SLC25A24: variants seen among roughly 807,000 people sequenced by gnomAD.
SLC25A24 encodes the protein mitochondrial adenyl nucleotide antiporter SLC25A24.
SLC25A24 carries 49 observed loss-of-function variants against 60.7 expected under a neutral mutation model. The observed-to-expected ratio is 0.81, with a 90% confidence interval of 0.64 to 1.02. SLC25A24 has a LOEUF of 1.02. Among genes scored for constraint, SLC25A24 ranks in the 50% least tolerant of loss-of-function variants. SLC25A24 has a pLI of 0.00. For synonymous variants in SLC25A24, 202 were observed against 200.6 expected, an observed-to-expected ratio of 1.01 and a Z score of -0.06; for missense variants, 564 against 586.3, an observed-to-expected ratio of 0.96 and a Z score of 0.39.
intron 9 of SLC25A24, among the ~76,000 whole-genome samples, chr1:108,137,328 G>C (rs1334666367): frequency 6.6e-6 from 1 of 152,128 alleles, no homozygotes; most frequent in East Asian, 1.9e-4. Context: ...AGGGGAGTAT[G>C]GAAGAAGCTC....
intron 1 of SLC25A24, among the ~76,000 whole-genome samples, chr1:108,187,927 GATAT>G (rs57513025): frequency 1.0e-5 from 1 of 95,740 alleles, no homozygotes; most frequent in Non-Finnish European, 2.1e-5. Context: ...AGACATTATA[GATAT>G]ATATATATAT....
chr1:108,170,469 A>G, intron 3 of SLC25A24, among the ~76,000 whole-genome samples: 1 of 152,108 alleles, frequency 6.6e-6, no homozygotes, highest in South Asian at 2.1e-4. Flanking sequence ...TTACATGCCC[A>G]TTAAATCAAG....
At chr1:108,158,260 A>G (rs2101614692) in intron 4 of SLC25A24, among the ~76,000 whole-genome samples, 1 of 152,184 alleles carries the variant, frequency 6.6e-6, no homozygotes, top group East Asian at 1.9e-4. Context: ...CCTTCAACCT[A>G]TTCTACATTA....
rs185362872 is a variant in SLC25A24 at position 108,171,951 on chromosome 1, T to C, written c.398+9990A>G. Among the ~76,000 whole-genome samples, 973 of 152,296 alleles carry C rather than the reference T, an allele frequency of 6.4e-3. 6 individuals carry two copies. Among genetic ancestry groups the C allele is most frequent in the Non-Finnish European group, 9.5e-3 (649 of 68,022 alleles). ...AACTGTACTCCTAACCACTGAGCTA[T>C]ACAAACAAGTCAAGGATTACAAACC... On this transcript the variant is annotated intron_variant, in intron 3 of 9. Transcript: ENST00000565488.
intron 3 of SLC25A24, among the ~76,000 whole-genome samples, chr1:108,180,616 A>ATCTCTCTCTCTCTCTCTC (rs3043349): frequency 1.8e-4 from 11 of 61,744 alleles, no homozygotes; most frequent in African/African-American, 7.6e-4. Context: ...CAAGAGAAAG[A>ATCTCTCTCTCTCTCTCTC]TCTCTCTCTC....
intron 3 of SLC25A24, among the ~76,000 whole-genome samples, chr1:108,169,201 T>C (rs1647356497): frequency 6.6e-6 from 1 of 152,228 alleles, no homozygotes; most frequent in Admixed American, 6.5e-5. Flanking sequence ...AGCACTGACT[T>C]GGTTATGGCT....
chr1:108,160,979 G>C (rs1378601429), intron 4 of SLC25A24, among the ~76,000 whole-genome samples: 1 of 151,892 alleles, frequency 6.6e-6, no homozygotes, highest in Non-Finnish European at 1.5e-5. Context: ...GGGGGAGAGA[G>C]AGGGAGAGGG....
chr1:108,162,750 T>C (rs1680124884), intron 3 of SLC25A24, among the ~76,000 whole-genome samples: 2 of 152,120 alleles, frequency 1.3e-5, no homozygotes, highest in East Asian at 1.9e-4. Context: ...AGGTTGCCTG[T>C]TCACTCTGAT....
rs1308443518 is a variant in SLC25A24 at position 108,178,428 on chromosome 1, G to A, written c.398+3513C>T. On this transcript the variant is annotated intron_variant, in intron 3 of 9. Coordinates refer to ENST00000565488, the MANE Select transcript of SLC25A24 (RefSeq NM_013386.5). ...TCAACTGCACATGGAACATGCACCA[G>A]GGGATATCATATGTTAGGCCACAAA... 2.0e-5 allele frequency among the ~76,000 whole-genome samples: 3 copies of A among 152,298 alleles called. No homozygotes were observed. The South Asian group carries it at 6.2e-4, about 32-fold the overall frequency.
At chr1:108,161,890 G>A (rs928183438) in intron 3 of SLC25A24, among the ~76,000 whole-genome samples, 2 of 151,276 alleles carry the variant, frequency 1.3e-5, no homozygotes, top group African/African-American at 4.9e-5. Context: ...CTGGTGCGCT[G>A]CACCCACTAA....
chr1:108,185,802 G>A (rs745586047), intron 2 of SLC25A24, 26 bp downstream of exon 2: 11 of 1,552,428 alleles, frequency 7.1e-6, no homozygotes, highest in Middle Eastern at 1.7e-4. Flanking sequence ...TTCATAGCTG[G>A]TGATAAATAC....
chr1:108,141,059 T>A (rs1381338087), intron 8 of SLC25A24, among the ~76,000 whole-genome samples: 1 of 152,098 alleles, frequency 6.6e-6, no homozygotes, highest in African/African-American at 2.4e-5. Flanking sequence ...ACTTTAGATC[T>A]AAGGACACAC....
At chr1:108,192,368 A>G in intron 1 of SLC25A24, 1 of 620,324 alleles carries the variant, frequency 1.6e-6, no homozygotes, top group South Asian at 2.3e-5. Context: ...AACGCTGGTC[A>G]ACGACCTGAA....
chr1:108,147,347 T>TC (rs1398542618), intron 7 of SLC25A24, among the ~76,000 whole-genome samples: 3 of 152,170 alleles, frequency 2.0e-5, no homozygotes, highest in African/African-American at 7.2e-5. Context: ...TTTGTTAAAC[T>TC]TTTCATAAAA....
chr1:108,162,439 A>G (rs1215808614), intron 3 of SLC25A24, among the ~76,000 whole-genome samples: 1 of 149,820 alleles, frequency 6.7e-6, no homozygotes, highest in Non-Finnish European at 1.5e-5. Context: ...ATTTCTCCAC[A>G]TCCTCTCCAG....
intron 3 of SLC25A24, among the ~76,000 whole-genome samples, chr1:108,180,965 T>G (rs570961): frequency 0.72 from 109,705 of 152,178 alleles, 40,238 homozygotes; most frequent in African/African-American, 0.86. Context: ...CACTTTCCTA[T>G]AAGAATATTA....
chr1:108,144,348 A>T (rs1361511483), intron 7 of SLC25A24, among the ~76,000 whole-genome samples: 1 of 152,182 alleles, frequency 6.6e-6, no homozygotes, highest in Non-Finnish European at 1.5e-5. Context: ...TCCTGTAAAG[A>T]CTAAATAGTA....
chr1:108,176,319 A>T (rs1334958993), intron 3 of SLC25A24, among the ~76,000 whole-genome samples: 3 of 152,160 alleles, frequency 2.0e-5, no homozygotes, highest in Non-Finnish European at 2.9e-5. Flanking sequence ...TTATTTGAAA[A>T]TACACAGAGG....
intron 5 of SLC25A24, among the ~76,000 whole-genome samples, chr1:108,156,284 G>A (rs1401693091): frequency 6.6e-6 from 1 of 152,182 alleles, no homozygotes; most frequent in Non-Finnish European, 1.5e-5. Flanking sequence ...TCTTTCTAGA[G>A]AAGTATCAAA....
Sources: allele counts gnomAD v4.1 joint callset (sites outside exome capture counted in the v4.1 genomes callset), GRCh38; gene constraint gnomAD v4.1.1; transcripts MANE v1.5; gene names NCBI Gene and HGNC (gene_info 2026-07-23, HGNC 2026-07-21).